FKTN: variants seen among roughly 807,000 people sequenced by gnomAD.
FKTN encodes fukutin.
In FKTN, 47 loss-of-function variants were observed where a neutral mutation model predicts 58.6. That is an observed-to-expected ratio of 0.80 (90% CI 0.63 to 1.02). The LOEUF is 1.02. Ranked by LOEUF, FKTN falls within the 50% of genes least tolerant of loss-of-function variation. The pLI is 0.00. For synonymous variants in FKTN, 178 were observed against 191.9 expected, an observed-to-expected ratio of 0.93 and a Z score of 0.60; for missense variants, 516 against 537.3, an observed-to-expected ratio of 0.96 and a Z score of 0.39.
intron 10 of FKTN, among the ~76,000 whole-genome samples, chr9:105,630,002 T>C (rs1419422978): frequency 6.6e-6 from 1 of 151,996 alleles, no homozygotes; most frequent in East Asian, 1.9e-4. Flanking sequence ...ATGAGAACAC[T>C]TGGACACAGG....
chr9:105,576,196 T>C (rs1587875744), intron 3 of FKTN, among the ~76,000 whole-genome samples: 1 of 151,850 alleles, frequency 6.6e-6, no homozygotes, highest in African/African-American at 2.4e-5. Context: ...CTTTAAGTTT[T>C]AGGGTACATT....
intron 3 of FKTN, among the ~76,000 whole-genome samples, chr9:105,579,161 C>T (rs1193201561): frequency 6.6e-6 from 1 of 152,110 alleles, no homozygotes; most frequent in Non-Finnish European, 1.5e-5. Context: ...GTGTCTGTAT[C>T]TCCTGCAGTT....
rs1554752862 is a variant in FKTN, at chr9:105,604,245, G to A, written c.400G>A (p.Gly134Arg). 1 of 1,612,504 alleles carries A rather than the reference G, an allele frequency of 6.2e-7. No homozygotes were observed. The highest frequency in any genetic ancestry group is 1.7e-5 in the Admixed American group (1 of 59,990). The change falls in exon 6 of 11, where the codon GGA becomes AGA. Residue 134 changes from glycine (G) to arginine (R), a missense_variant. By Grantham distance (125) the Gly-to-Arg change is moderately radical (BLOSUM62 -2). Coordinates refer to ENST00000357998, the MANE Select transcript of FKTN (RefSeq NM_001079802.2). Reference sequence around the variant, plus strand: ...CTGGTTTCGGATAGCTGAGAATATGGGATTTCAGTGCCTAAAGATTGAGAG... The same window carrying A: ...CTGGTTTCGGATAGCTGAGAATATGAGATTTCAGTGCCTAAAGATTGAGAG... ...EGWFRIAENM[G>R]FQCLKIESKD...
Position 105,604,338 on chromosome 9 carries a change from A to G in FKTN, c.493A>G (p.Lys165Glu). The change falls in exon 6 of 11, where the codon AAA becomes GAA. Residue 165 changes from lysine to glutamate, a missense_variant. Lys to Glu is a moderately conservative substitution (Grantham distance 56, BLOSUM62 1). Coordinates refer to ENST00000357998, the MANE Select transcript of FKTN (RefSeq NM_001079802.2). ...GTEIPLHYICKLATHAIHLVV... is the reference protein window; with the variant it reads ...GTEIPLHYICELATHAIHLVV... The stretch of plus-strand genomic sequence containing the variant: ...TGAAATCCCCCTGCACTATATCTGC[A>G]AACTGGCCACTCATGCGATCCACTT... The G allele has an allele frequency of 6.2e-7, 1 of 1,614,184 alleles. No individual in the cohort carries two copies. Among genetic ancestry groups the G allele is most frequent in the Non-Finnish European group, 8.5e-7 (1 of 1,180,018 alleles).
At position 105,624,311 on chromosome 9, in the gene FKTN, A is replaced by T. The variant is rs1008977354; in HGVS notation, c.1172+4250A>T. On this transcript the variant is annotated intron_variant, in intron 10 of 10. Transcript: ENST00000357998. ...CTTCTATCATAAAACCAGGTCAGTCATTAGTAGCAAGTTACCAACAATTAT... is the reference window on the plus strand; with the variant it reads ...CTTCTATCATAAAACCAGGTCAGTCTTTAGTAGCAAGTTACCAACAATTAT... The T allele has an allele frequency of 3.3e-5, 5 of 152,146 alleles. No individual in the cohort carries two copies. Among genetic ancestry groups the T allele is most frequent in the African/African-American group, 4.8e-5 (2 of 41,422 alleles). 9.4% of individuals were successfully genotyped at this position (152,146 alleles called of 1,614,324 possible). A position where few individuals can be genotyped will look rare whatever the true frequency, so the allele number is the denominator to read the frequency against.
chr9:105,640,228 A>G lies in FKTN; in HGVS notation c.*4964A>G. The G allele has an allele frequency of 2.1e-6, 3 of 1,424,654 alleles. No homozygotes were observed. The highest frequency in any genetic ancestry group is 2.8e-6 in the Non-Finnish European group (3 of 1,082,718). The allele number at this position is 1,424,654 out of a possible 1,614,324, so 88.3% of individuals were successfully genotyped here. A position where few individuals can be genotyped will look rare whatever the true frequency, so the allele number is the denominator to read the frequency against. ...CCTTTTGTATAGGTCCTGTGCTTAA[A>G]GGAGGCAAGTATAAATTTTCTAATA... On this transcript the variant is annotated 3_prime_UTR_variant, in exon 11 of 11. Transcript: ENST00000357998.
chr9:105,636,400 C>T lies in FKTN; in HGVS notation c.*1136C>T. 1.0e-6 allele frequency: 1 copy of T among 986,476 alleles called. No homozygotes were observed. Among genetic ancestry groups the T allele is most frequent in the Non-Finnish European group, 1.2e-6 (1 of 830,626 alleles). 61.1% of individuals were successfully genotyped at this position (986,476 alleles called of 1,614,324 possible). A position where few individuals can be genotyped will look rare whatever the true frequency, so the allele number is the denominator to read the frequency against. The stretch of plus-strand genomic sequence containing the variant: ...CTAAATGGTGGACTTGACAACTATT[C>T]ACCCTACCTCAGATCATAGAGTTTG... On this transcript the variant is annotated 3_prime_UTR_variant, in exon 11 of 11. Transcript: ENST00000357998.
chr9:105,584,916 T>C (rs898598180), intron 3 of FKTN, among the ~76,000 whole-genome samples: 2 of 152,160 alleles, frequency 1.3e-5, no homozygotes, highest in Non-Finnish European at 2.9e-5. Flanking sequence ...ACTCATGAGT[T>C]CAGAAACTGT....
intron 10 of FKTN, among the ~76,000 whole-genome samples, chr9:105,624,642 G>GA (rs1018167262): frequency 8.8e-5 from 12 of 136,544 alleles, no homozygotes; most frequent in Non-Finnish European, 1.8e-4. Flanking sequence ...AAAAAAAAAA[G>GA]AAAAAGAATC....
At chr9:105,593,217 G>A (rs1845224869) in intron 3 of FKTN, among the ~76,000 whole-genome samples, 2 of 152,146 alleles carry the variant, frequency 1.3e-5, no homozygotes, top group South Asian at 4.1e-4. Context: ...TCATATGGCT[G>A]GAGCAGGAAG....
rs141886790 is a variant in FKTN, at chr9:105,635,063, G to A, written c.1185G>A (p.Pro395=). 1.7e-5 allele frequency: 28 copies of A among 1,613,878 alleles called. No individual in the cohort carries two copies. Among genetic ancestry groups the A allele is most frequent in the South Asian group, 1.4e-4 (13 of 91,070 alleles). The part of the protein sequence containing the change: ...KTGKKFKYLF[P]KFTLCWTEFV... ...TGTTTTGCTGCAGATACCTGTTTCC[G>A]AAGTTTACACTGTGCTGGACTGAGT... The change falls in exon 11 of 11, where the codon CCG becomes CCA. Residue 395 remains proline, a synonymous_variant. Coordinates refer to ENST00000357998, the MANE Select transcript of FKTN (RefSeq NM_001079802.2).
intron 10 of FKTN, among the ~76,000 whole-genome samples, chr9:105,626,203 C>T (rs567467322): frequency 6.6e-6 from 1 of 152,232 alleles, no homozygotes; most frequent in East Asian, 1.9e-4. Context: ...CATTTCTGTA[C>T]GTGTCTTTTA....
chr9:105,623,439 A>T (rs537856058), intron 10 of FKTN, among the ~76,000 whole-genome samples: 1 of 152,312 alleles, frequency 6.6e-6, no homozygotes, highest in East Asian at 1.9e-4. Flanking sequence ...TAGTGTCACC[A>T]TGATCTCTAT....
At chr9:105,619,772 A>G (rs374554922) in intron 9 of FKTN, 162 bp from the exon 10 acceptor site, 31 of 581,364 alleles carry the variant, frequency 5.3e-5, no homozygotes, top group South Asian at 3.8e-4. Flanking sequence ...ATGCATCCCA[A>G]TTTCAGAGGT....
At chr9:105,622,430 A>G (rs571109883) in intron 10 of FKTN, among the ~76,000 whole-genome samples, 130 of 152,120 alleles carry the variant, frequency 8.5e-4, no homozygotes, top group African/African-American at 3.1e-3. Flanking sequence ...CCTAAGATTT[A>G]ACAGTATATT....
chr9:105,622,175 A>G lies in FKTN; in HGVS notation c.1172+2114A>G, dbSNP rs117013237. ...TAACTAAATCTACCATACACCAAAT[A>G]TAATTGGGAGCACATTAGAATTACT... On this transcript the variant is annotated intron_variant, in intron 10 of 10. Coordinates refer to ENST00000357998, the MANE Select transcript of FKTN (RefSeq NM_001079802.2). 4.4e-4 allele frequency among the ~76,000 whole-genome samples: 67 copies of G among 152,218 alleles called. No homozygotes were observed. The East Asian group carries it at 0.011, about 25-fold the overall frequency.
intron 3 of FKTN, among the ~76,000 whole-genome samples, chr9:105,582,291 A>G (rs1453305055): frequency 1.3e-5 from 2 of 152,142 alleles, no homozygotes; most frequent in African/African-American, 4.8e-5. Flanking sequence ...CTGGGGCTCA[A>G]GCAGTACTCC....
intron 4 of FKTN, among the ~76,000 whole-genome samples, chr9:105,600,317 A>G (rs1341399613): frequency 1.3e-5 from 2 of 152,124 alleles, no homozygotes; most frequent in East Asian, 1.9e-4. Flanking sequence ...GATTTTCTGA[A>G]TAAGAATTTA....
At chr9:105,598,261 C>A in intron 4 of FKTN, 1 of 368,120 alleles carries the variant, frequency 2.7e-6, no homozygotes, top group South Asian at 2.1e-5. Flanking sequence ...ACTATATTTG[C>A]AAAATCACAG....
Sources: allele counts gnomAD v4.1 joint callset (sites outside exome capture counted in the v4.1 genomes callset), GRCh38; gene constraint gnomAD v4.1.1; transcripts MANE v1.5; gene names NCBI Gene and HGNC (gene_info 2026-07-23, HGNC 2026-07-21).